The following XKR9 variants were observed in gnomAD, a reference collection of about 807,000 sequenced individuals.
XKR9 encodes the protein XK-related protein 9.
A neutral mutation model predicts 32.0 loss-of-function variants in XKR9; 32 were observed. That is an observed-to-expected ratio of 1.00 (90% confidence interval 0.76 to 1.34). XKR9 has a LOEUF of 1.34. Among genes scored for constraint, XKR9 ranks in the 40% most tolerant of loss-of-function variants. The pLI, the probability that XKR9 is intolerant of heterozygous loss-of-function variation, is 0.00. For missense variants in XKR9, 546 were observed against 429.7 expected (o/e 1.27, Z -2.39); for synonymous variants, 168 against 143.4 (o/e 1.17, Z -1.22).
At chr8:70,801,021 A>G in the XKR9 span, among the ~76,000 whole-genome samples, 1 of 140,186 alleles carries the variant, frequency 7.1e-6, no homozygotes, top group East Asian at 2.1e-4. Context: ...TGTTCGTAGT[A>G]ATATCTTTTT....
At chr8:70,874,710 A>C in the XKR9 span, among the ~76,000 whole-genome samples, 4 of 152,348 alleles carry the variant, frequency 2.6e-5, no homozygotes, top group South Asian at 2.1e-4. Flanking sequence ...GGTTTCAGAC[A>C]TAGTCTGATC....
At chr8:70,758,155 C>A in intron 2 of XKR9, among the ~76,000 whole-genome samples, 1 of 151,972 alleles carries the variant, frequency 6.6e-6, no homozygotes. Context: ...AAAGTCTCTC[C>A]CTTGTTCTCT....
the XKR9 span, among the ~76,000 whole-genome samples, chr8:70,842,253 C>G: frequency 6.6e-6 from 1 of 152,118 alleles, no homozygotes; most frequent in South Asian, 2.1e-4. Context: ...TAAGATGCAC[C>G]TTTATGCTGG....
intron 2 of XKR9, among the ~76,000 whole-genome samples, chr8:70,760,020 T>G (rs1807286669): frequency 6.6e-6 from 1 of 152,232 alleles, no homozygotes; most frequent in Non-Finnish European, 1.5e-5. Context: ...CTTTATATTT[T>G]TGTTTTCAAA....
At chr8:70,818,755 T>G in the XKR9 span, among the ~76,000 whole-genome samples, 8 of 152,210 alleles carry the variant, frequency 5.3e-5, no homozygotes, top group Non-Finnish European at 1.2e-4. Flanking sequence ...TCTTAGAGAC[T>G]GTGCCATTTT....
the XKR9 span, among the ~76,000 whole-genome samples, chr8:70,911,006 C>T: frequency 6.6e-6 from 1 of 152,222 alleles, no homozygotes; most frequent in Non-Finnish European, 1.5e-5. Context: ...TCTCTTTTGA[C>T]TCTGTCTGCT....
the XKR9 span, among the ~76,000 whole-genome samples, chr8:71,007,491 A>G: frequency 1.3e-5 from 2 of 152,222 alleles, no homozygotes; most frequent in East Asian, 3.8e-4. Flanking sequence ...AGTTAAAAGA[A>G]TAACAGACTA....
At chr8:70,804,032 G>T in the XKR9 span, among the ~76,000 whole-genome samples, 1 of 152,238 alleles carries the variant, frequency 6.6e-6, no homozygotes, top group African/African-American at 2.4e-5. Flanking sequence ...ATAGAAGCAG[G>T]TCTGCTCTAT....
At chr8:70,996,180 C>A in the XKR9 span, among the ~76,000 whole-genome samples, 5 of 152,276 alleles carry the variant, frequency 3.3e-5, no homozygotes, top group East Asian at 9.6e-4. Flanking sequence ...CAAGCACATG[C>A]AGAACAGTAC....
the XKR9 span, among the ~76,000 whole-genome samples, chr8:70,829,487 C>T: frequency 1.8e-3 from 267 of 152,316 alleles, 1 homozygote; most frequent in African/African-American, 6.0e-3. Flanking sequence ...CTCGCCCTGT[C>T]TCCCAGGCTG....
At chr8:70,731,928 G>C (rs1357002886) in intron 4 of XKR9, among the ~76,000 whole-genome samples, 6 of 152,192 alleles carry the variant, frequency 3.9e-5, no homozygotes, top group African/African-American at 1.4e-4. Context: ...AGAACTCCAA[G>C]AGTATCTCTT....
chr8:70,719,529 C>G (rs539094217), intron 4 of XKR9, among the ~76,000 whole-genome samples: 1 of 152,268 alleles, frequency 6.6e-6, no homozygotes, highest in African/African-American at 2.4e-5. Context: ...ATAAGGCTAG[C>G]CAGTTTCCCA....
the XKR9 span, among the ~76,000 whole-genome samples, chr8:70,980,729 G>T: frequency 6.6e-6 from 1 of 152,096 alleles, no homozygotes; most frequent in African/African-American, 2.4e-5. Flanking sequence ...TGAACATGTG[G>T]GTCCTGTGAG....
chr8:70,968,894 T>G, the XKR9 span, among the ~76,000 whole-genome samples: 55 of 152,198 alleles, frequency 3.6e-4, no homozygotes, highest in Non-Finnish European at 7.2e-4. Context: ...GAGACCCCTT[T>G]TGGGAGGTCT....
At chr8:70,798,694 A>G in the XKR9 span, among the ~76,000 whole-genome samples, 1 of 152,100 alleles carries the variant, frequency 6.6e-6, no homozygotes, top group Non-Finnish European at 1.5e-5. Flanking sequence ...TTACATTTAC[A>G]TCTACAATCC....
chr8:70,964,610 G>A, the XKR9 span, among the ~76,000 whole-genome samples: 10 of 152,128 alleles, frequency 6.6e-5, no homozygotes, highest in African/African-American at 2.4e-4. Flanking sequence ...CCATTTGTTT[G>A]TGTCCTCTCT....
the XKR9 span, among the ~76,000 whole-genome samples, chr8:71,016,715 T>C: frequency 6.6e-6 from 1 of 152,274 alleles, no homozygotes; most frequent in South Asian, 2.1e-4. Context: ...CCTTAAGTAA[T>C]TTATGGAGAT....
chr8:70,738,448 G>T (rs548420754), downstream of XKR9, among the ~76,000 whole-genome samples: 77 of 148,968 alleles, frequency 5.2e-4, no homozygotes, highest in South Asian at 3.8e-3. Flanking sequence ...TTTTTGAAGG[G>T]TTTTTTGTGT....
the XKR9 span, among the ~76,000 whole-genome samples, chr8:70,826,306 G>C: frequency 1.3e-5 from 2 of 152,198 alleles, no homozygotes; most frequent in African/African-American, 4.8e-5. Flanking sequence ...CAGAAGCTTT[G>C]TTAGAGGCCT....
Sources: gnomAD v4.1 joint callset for allele counts (sites outside exome capture counted in the v4.1 genomes callset) on GRCh38, gnomAD v4.1.1 for gene constraint, MANE v1.5 for transcripts, NCBI Gene and HGNC (gene_info 2026-07-23, HGNC 2026-07-21) for gene names.